AMPH: variants seen among roughly 807,000 people sequenced by gnomAD.
The protein encoded by AMPH is amphiphysin (Stiff-Mann syndrome with breast cancer 128kD autoantigen).
Under a neutral mutation model 99.1 loss-of-function variants are expected in AMPH, and 49 were observed. The observed-to-expected ratio is 0.49, with a 90% confidence interval of 0.39 to 0.63. The LOEUF (loss-of-function observed/expected upper bound fraction) is 0.63, where lower values mean the gene tolerates loss of function less well. AMPH is among the 20% of genes least tolerant of loss of function. The pLI is 0.00. For synonymous variants in AMPH, 314 were observed against 317.3 expected (o/e 0.99, Z 0.11); for missense variants, 759 against 863.4 (o/e 0.88, Z 1.52).
intron 3 of AMPH, among the ~76,000 whole-genome samples, chr7:38,501,882 C>T (rs569663714): frequency 6.6e-6 from 1 of 152,168 alleles, no homozygotes; most frequent in Admixed American, 6.5e-5. Flanking sequence ...AGAGCTTTAC[C>T]AATTCTAAAT....
At chr7:38,517,702 G>C (rs2129032971) in intron 2 of AMPH, among the ~76,000 whole-genome samples, 1 of 152,212 alleles carries the variant, frequency 6.6e-6, no homozygotes, top group Non-Finnish European at 1.5e-5. Context: ...CTAGAGAAAA[G>C]AAATTACTTA....
chr7:38,558,949 T>C (rs1229854068), intron 1 of AMPH, among the ~76,000 whole-genome samples: 2 of 152,242 alleles, frequency 1.3e-5, no homozygotes, highest in Non-Finnish European at 2.9e-5. Flanking sequence ...TTTTAATCTA[T>C]ACTGGCAGCA....
At chr7:38,522,191 C>T (rs1789990508) in intron 2 of AMPH, among the ~76,000 whole-genome samples, 1 of 152,158 alleles carries the variant, frequency 6.6e-6, no homozygotes, top group Non-Finnish European at 1.5e-5. Context: ...TGATAACTGC[C>T]ATCCTATTAA....
At chr7:38,458,859 C>A (rs1787333733) in intron 11 of AMPH, among the ~76,000 whole-genome samples, 1 of 152,066 alleles carries the variant, frequency 6.6e-6, no homozygotes, top group Non-Finnish European at 1.5e-5. Context: ...CACTGGAAGT[C>A]CTAGCCAGAG....
intron 17 of AMPH, among the ~76,000 whole-genome samples, chr7:38,414,888 T>C (rs1049320572): frequency 3.3e-5 from 5 of 152,202 alleles, no homozygotes; most frequent in Non-Finnish European, 5.9e-5. Flanking sequence ...GGTCTTGAAC[T>C]CCTGACCTCA....
chr7:38,488,057 C>T (rs1223266461), intron 5 of AMPH, among the ~76,000 whole-genome samples: 4 of 152,166 alleles, frequency 2.6e-5, no homozygotes, highest in African/African-American at 4.8e-5. Context: ...GAAATAGGAA[C>T]GCTTTTACAC....
At chr7:38,438,369 G>T (rs926263349) in intron 11 of AMPH, among the ~76,000 whole-genome samples, 10 of 152,160 alleles carry the variant, frequency 6.6e-5, no homozygotes, top group African/African-American at 2.4e-4. Context: ...TGGCTGAATG[G>T]TGATCTATTG....
intron 2 of AMPH, among the ~76,000 whole-genome samples, chr7:38,507,181 C>T (rs1448133531): frequency 1.3e-5 from 2 of 151,588 alleles, no homozygotes; most frequent in Admixed American, 6.6e-5. Flanking sequence ...TTCATCTTGT[C>T]GAAGGGAAAC....
chr7:38,394,871 T>A (rs1427358676), intron 17 of AMPH, among the ~76,000 whole-genome samples: 2 of 152,172 alleles, frequency 1.3e-5, no homozygotes, highest in Non-Finnish European at 2.9e-5. Flanking sequence ...ACCCTCTTTT[T>A]AAAAAAATTA....
chr7:38,441,248 GAAA>G (rs1786493338), intron 11 of AMPH, among the ~76,000 whole-genome samples: 1 of 151,818 alleles, frequency 6.6e-6, no homozygotes, highest in Non-Finnish European at 1.5e-5. Flanking sequence ...AAGCTGTAAA[GAAA>G]AATAAAAAAG....
chr7:38,580,650 G>C (rs1044179944), intron 1 of AMPH, among the ~76,000 whole-genome samples: 1 of 148,184 alleles, frequency 6.7e-6, no homozygotes, highest in Admixed American at 6.8e-5. Flanking sequence ...AGAAGTCCAA[G>C]AGATATGGGA....
At chr7:38,418,003 A>G in intron 16 of AMPH, 53 bp from the exon 17 acceptor site, 1 of 1,581,508 alleles carries the variant, frequency 6.3e-7, no homozygotes. Context: ...AGGTAAATAG[A>G]TAACATTACA....
intron 10 of AMPH, among the ~76,000 whole-genome samples, chr7:38,462,465 C>T (rs140963730): frequency 9.7e-4 from 147 of 152,198 alleles, no homozygotes; most frequent in African/African-American, 3.3e-3. Flanking sequence ...TTACCTTTGC[C>T]CAGCCCTTAT....
At chr7:38,426,681 T>C (rs1286532678) in intron 15 of AMPH, among the ~76,000 whole-genome samples, 2 of 152,360 alleles carry the variant, frequency 1.3e-5, no homozygotes, top group African/African-American at 2.4e-5. Context: ...GCTAATCATA[T>C]TAATAAAAGC....
intron 1 of AMPH, among the ~76,000 whole-genome samples, chr7:38,571,908 CT>C (rs35135533): frequency 0.77 from 108,804 of 141,824 alleles, 41,796 homozygotes; most frequent in Non-Finnish European, 0.81. Flanking sequence ...ACACGTTTAT[CT>C]TTTTTTTTTT....
intron 9 of AMPH, chr7:38,463,324 CT>C: frequency 1.4e-6 from 1 of 689,828 alleles, no homozygotes; most frequent in South Asian, 1.5e-5. Context: ...CATGTATTAT[CT>C]TTTGTCTTCA....
intron 11 of AMPH, among the ~76,000 whole-genome samples, chr7:38,437,883 A>G (rs1786348645): frequency 6.6e-6 from 1 of 152,186 alleles, no homozygotes; most frequent in Non-Finnish European, 1.5e-5. Context: ...ATCCGTACTC[A>G]TTGCAGAAGA....
At chr7:38,433,667 G>C (rs1786131247) in intron 12 of AMPH, among the ~76,000 whole-genome samples, 1 of 78,198 alleles carries the variant, frequency 1.3e-5, no homozygotes, top group Non-Finnish European at 2.3e-5. Context: ...GGAGCTTGCA[G>C]TGAGCCGAGA....
At chr7:38,478,578 C>CA (rs916673133) in intron 5 of AMPH, among the ~76,000 whole-genome samples, 4 of 151,660 alleles carry the variant, frequency 2.6e-5, no homozygotes, top group African/African-American at 9.7e-5. Context: ...TACACAAAAA[C>CA]AAAAAAACAA....
Sources: allele counts gnomAD v4.1 joint callset (sites outside exome capture counted in the v4.1 genomes callset), GRCh38; gene constraint gnomAD v4.1.1; transcripts MANE v1.5; gene names NCBI Gene and HGNC (gene_info 2026-07-23, HGNC 2026-07-21).